MMRN1: variants seen among roughly 807,000 people sequenced by gnomAD.
MMRN1 encodes multimerin-1.
MMRN1 carries 94 observed loss-of-function variants against 100.7 expected under a neutral mutation model. The observed-to-expected ratio is 0.93, with a 90% CI of 0.79 to 1.11. The LOEUF (loss-of-function observed/expected upper bound fraction) is 1.11, where lower values mean the gene tolerates loss of function less well. Among genes scored for constraint, MMRN1 ranks in the 50% least tolerant of loss-of-function variants. The pLI is 0.00. For synonymous variants in MMRN1, 575 were observed against 505.0 expected (o/e 1.14, Z -1.86); for missense variants, 1,606 against 1,439.1 (o/e 1.12, Z -1.88).
chr4:89,917,887 G>C (rs902506412), intron 3 of MMRN1, among the ~76,000 whole-genome samples: 1 of 151,770 alleles, frequency 6.6e-6, no homozygotes, highest in African/African-American at 2.4e-5. Context: ...CTTAAATACT[G>C]TGTGTATTTT....
rs554933288 is a variant in MMRN1 at position 89,953,342 on chromosome 4, G to A, written c.3611G>A (p.Arg1204Gln). 1.6e-5 allele frequency: 26 copies of A among 1,613,554 alleles called. No individual in the cohort carries two copies. Among genetic ancestry groups the A allele is most frequent in the African/African-American group, 4.0e-5 (3 of 74,898 alleles). Residue 1204 changes from arginine (R) to glutamine (Q), a missense_variant, in exon 8 of 8, where the codon CGA becomes CAA. Coordinates refer to ENST00000264790, the MANE Select transcript of MMRN1 (RefSeq NM_007351.3). ...ELNYGQEVWL[R>Q]LAKGTIPAKF... is the part of the protein sequence containing the mutation. Reference sequence around the variant, plus strand: ...AATTATGGGCAGGAAGTCTGGTTACGACTTGCAAAAGGAACAATTCCAGCC... The same window carrying A: ...AATTATGGGCAGGAAGTCTGGTTACAACTTGCAAAAGGAACAATTCCAGCC...
At chr4:89,906,283 C>T (rs1207023137) in intron 1 of MMRN1, among the ~76,000 whole-genome samples, 2 of 151,522 alleles carry the variant, frequency 1.3e-5, no homozygotes, top group Non-Finnish European at 3.0e-5. Context: ...AATCCTTTCC[C>T]CTCTCTATTT....
In MMRN1 at chr4:89,933,556, TG is replaced by T. The variant is rs575316808; in HGVS notation, c.1130-1249del. Among the ~76,000 whole-genome samples, 247 of 152,272 alleles carry T rather than the reference TG, an allele frequency of 1.6e-3. 1 individual carries two copies. The highest frequency in any genetic ancestry group is 5.5e-3 in the African/African-American group (227 of 41,558). On this transcript the variant is annotated intron_variant, in intron 5 of 7. Coordinates refer to ENST00000264790, the MANE Select transcript of MMRN1 (RefSeq NM_007351.3). ...TAATGGACTCACAGTTCCACATGGC[TG>T]GGGGAGCTTCACAATCGTGGCAGAA...
chr4:89,888,919 A>AT lies in MMRN1; in HGVS notation c.-248-5798dup, dbSNP rs199904972. Reference sequence around the variant, plus strand: ...CTTCCAATATCTTGGTGTTTTCTTGATTTTTTTAGGGTTTCTCTCTTGACC... The same window carrying AT: ...CTTCCAATATCTTGGTGTTTTCTTGATTTTTTTTAGGGTTTCTCTCTTGACC... On this transcript the variant is annotated intron_variant, in intron 1 of 8. Coordinates refer to the MMRN1 transcript ENST00000394980. Among the ~76,000 whole-genome samples the AT allele has an allele frequency of 5.2e-3, 787 of 151,804 alleles. 2 individuals are homozygous for AT. Among genetic ancestry groups the AT allele is most frequent in the African/African-American group, 0.016 (665 of 41,408 alleles).
chr4:89,891,649 C>G (rs1183552439), upstream of MMRN1, among the ~76,000 whole-genome samples: 2 of 151,958 alleles, frequency 1.3e-5, no homozygotes, highest in East Asian at 3.9e-4. Context: ...TTGATAACCC[C>G]CTTTGTCCAC....
At chr4:89,915,914 G>A (rs1370753551) in intron 3 of MMRN1, among the ~76,000 whole-genome samples, 2 of 151,654 alleles carry the variant, frequency 1.3e-5, no homozygotes, top group African/African-American at 2.4e-5. Flanking sequence ...ACAAAGCAAA[G>A]GTCTGTGCTC....
intron 6 of MMRN1, among the ~76,000 whole-genome samples, chr4:89,945,769 T>A (rs1722968001): frequency 6.6e-6 from 1 of 152,164 alleles, no homozygotes; most frequent in South Asian, 2.1e-4. Context: ...TCTAAGATAT[T>A]TGCTGAAGAT....
chr4:89,879,691 G>T (rs983445427), intron 1 of MMRN1: 12 of 152,002 alleles, frequency 7.9e-5, no homozygotes, highest in Admixed American at 7.2e-4. Flanking sequence ...AAGATTACAG[G>T]TCTATTTCAA....
chr4:89,936,216 G>A lies in MMRN1; in HGVS notation c.2536G>A (p.Glu846Lys). Residue 846 changes from glutamate to lysine, a missense_variant, in exon 6 of 8, where the codon GAA becomes AAA. Transcript: ENST00000264790. Reference sequence around the variant, plus strand: ...CCAGCAAAATATGAGTCATTTGGAAGAAAAACTACTCTTAACTACCAAGAT... The same window carrying A: ...CCAGCAAAATATGAGTCATTTGGAAAAAAAACTACTCTTAACTACCAAGAT... ...KYQQNMSHLE[E>K]KLLLTTKISK... 1 of 1,605,268 alleles carries A rather than the reference G, an allele frequency of 6.2e-7. No homozygotes were observed. Among genetic ancestry groups the A allele is most frequent in the Non-Finnish European group, 8.5e-7 (1 of 1,177,600 alleles).
intron 7 of MMRN1, among the ~76,000 whole-genome samples, chr4:89,952,132 A>G (rs1346969815): frequency 6.6e-6 from 1 of 152,172 alleles, no homozygotes; most frequent in East Asian, 1.9e-4. Flanking sequence ...TATGTCTGGT[A>G]TGGTCATTTA....
In MMRN1 at chr4:89,939,290, CAG is replaced by C. The variant is rs201116374; in HGVS notation, c.3118+2495_3118+2496del. Among the ~76,000 whole-genome samples, 905 of 152,158 alleles carry C rather than the reference CAG, an allele frequency of 5.9e-3. 10 individuals are homozygous for C. The highest frequency in any genetic ancestry group is 0.02 in the African/African-American group (842 of 41,518). Reference sequence around the variant, plus strand: ...TAATTTATCATCATCTTATGAATCTCAGAGTCATATTATTCAGATTCTAGCTG... The same window carrying C: ...TAATTTATCATCATCTTATGAATCTCAGTCATATTATTCAGATTCTAGCTG... On this transcript the variant is annotated intron_variant, in intron 6 of 7. Transcript: ENST00000264790.
chr4:89,927,339 G>A (rs1223642494), intron 4 of MMRN1, among the ~76,000 whole-genome samples: 1 of 151,774 alleles, frequency 6.6e-6, no homozygotes, highest in Non-Finnish European at 1.5e-5. Flanking sequence ...CACTTCTTTG[G>A]TTAATTGAAT....
chr4:89,887,756 A>G (rs1355071539), intron 1 of MMRN1, among the ~76,000 whole-genome samples: 3 of 151,964 alleles, frequency 2.0e-5, no homozygotes, highest in African/African-American at 7.2e-5. Context: ...ATCAGAATCT[A>G]CTTATAACTG....
At chr4:89,893,800 GAGTGAA>G (rs1721108568), upstream of MMRN1, among the ~76,000 whole-genome samples, 3 of 152,074 alleles carry the variant, frequency 2.0e-5, no homozygotes, top group Admixed American at 6.6e-5. Context: ...ATAAATGAAT[GAGTGAA>G]TGAATGAATG....
intron 6 of MMRN1, among the ~76,000 whole-genome samples, chr4:89,940,816 C>T (rs1165163886): frequency 6.6e-6 from 1 of 152,056 alleles, no homozygotes; most frequent in African/African-American, 2.4e-5. Flanking sequence ...AACATTTTCA[C>T]TTAATATTTG....
rs1723256581 is a variant in MMRN1, at chr4:89,953,692, T to C, written c.*274T>C. 3.8e-6 allele frequency: 1 copy of C among 262,884 alleles called. No individual in the cohort carries two copies. Among genetic ancestry groups the C allele is most frequent in the Non-Finnish European group, 7.1e-6 (1 of 140,946 alleles). 16.3% of individuals were successfully genotyped at this position (262,884 alleles called of 1,614,324 possible). A position where few individuals can be genotyped will look rare whatever the true frequency, so the allele number is the denominator to read the frequency against. On this transcript the variant is annotated 3_prime_UTR_variant, in exon 8 of 8. Coordinates refer to ENST00000264790, the MANE Select transcript of MMRN1 (RefSeq NM_007351.3). ...AATTATTCCTATTCTTATTTCTTCA[T>C]TTTAAGTCATTGCAATGGAAAGTAA...
chr4:89,930,171 A>C (rs1056338673), intron 5 of MMRN1, among the ~76,000 whole-genome samples: 2 of 152,200 alleles, frequency 1.3e-5, no homozygotes, highest in Admixed American at 6.6e-5. Flanking sequence ...GTTCTTGGGA[A>C]ATCAGATTCT....
At chr4:89,893,135 C>G (rs903965462), upstream of MMRN1, among the ~76,000 whole-genome samples, 1 of 151,884 alleles carries the variant, frequency 6.6e-6, no homozygotes, top group African/African-American at 2.4e-5. Flanking sequence ...AGTTTCATTG[C>G]TCTTTTGCTC....
At chr4:89,930,328 A>G (rs1329787413) in intron 5 of MMRN1, among the ~76,000 whole-genome samples, 1 of 152,188 alleles carries the variant, frequency 6.6e-6, no homozygotes, top group Non-Finnish European at 1.5e-5. Context: ...TTTTTCCATA[A>G]AAGTGTTAAA....
Sources: gnomAD v4.1 joint callset for allele counts (sites outside exome capture counted in the v4.1 genomes callset) on GRCh38, gnomAD v4.1.1 for gene constraint, MANE v1.5 for transcripts, NCBI Gene and HGNC (gene_info 2026-07-23, HGNC 2026-07-21) for gene names.